The following ATRNL1 variants were observed in gnomAD, a reference collection of about 807,000 sequenced individuals.
ATRNL1 encodes attractin like 1, also known as attractin-like protein 1.
ATRNL1 carries 95 observed loss-of-function variants against 182.7 expected under a neutral mutation model. The observed-to-expected ratio is 0.52, with a 90% CI of 0.44 to 0.62. ATRNL1 has a LOEUF of 0.62. ATRNL1 is among the 20% of genes least tolerant of loss of function. The probability of loss-of-function intolerance (pLI) is 0.00; values close to 1 mark genes in which losing one functional copy is unlikely to be tolerated. For synonymous variants in ATRNL1, 576 were observed against 568.3 expected, an observed-to-expected ratio of 1.01 and a Z score of -0.19; for missense variants, 1,471 against 1,679.5, an observed-to-expected ratio of 0.88 and a Z score of 2.17.
At chr10:115,652,979 G>A (rs1860107269) in intron 26 of ATRNL1, among the ~76,000 whole-genome samples, 1 of 152,058 alleles carries the variant, frequency 6.6e-6, no homozygotes, top group Admixed American at 6.6e-5. Flanking sequence ...TAGAACTGAA[G>A]CTTTTGATTT....
chr10:115,139,980 C>G (rs1410491100), intron 5 of ATRNL1, among the ~76,000 whole-genome samples: 1 of 152,168 alleles, frequency 6.6e-6, no homozygotes, highest in Non-Finnish European at 1.5e-5. Context: ...GGCTAGCCTA[C>G]AGCAAAGATG....
intron 24 of ATRNL1, among the ~76,000 whole-genome samples, chr10:115,485,991 C>T (rs1282103029): frequency 7.3e-5 from 11 of 150,270 alleles, no homozygotes; most frequent in Non-Finnish European, 1.0e-4. Context: ...TGAGAACATG[C>T]GGTGCTTGGT....
chr10:115,928,607 T>C (rs1953305127), intron 28 of ATRNL1, among the ~76,000 whole-genome samples: 1 of 152,018 alleles, frequency 6.6e-6, no homozygotes, highest in Non-Finnish European at 1.5e-5. Context: ...TAGTTAATTA[T>C]CTCAAACCAA....
At chr10:115,706,478 T>G (rs7900426) in intron 26 of ATRNL1, among the ~76,000 whole-genome samples, 56,418 of 151,354 alleles carry the variant, frequency 0.37, 11,356 homozygotes, top group East Asian at 0.58. Context: ...GGAGATTTTT[T>G]GGGGGTGGGC....
At chr10:115,380,966 TG>T (rs1422488161) in intron 19 of ATRNL1, among the ~76,000 whole-genome samples, 15 of 152,210 alleles carry the variant, frequency 9.9e-5, no homozygotes, top group African/African-American at 1.9e-4. Context: ...ACTACCAAAT[TG>T]TTTCCAAGAA....
chr10:115,728,811 A>T (rs1555061565), intron 27 of ATRNL1, among the ~76,000 whole-genome samples: 3 of 152,184 alleles, frequency 2.0e-5, no homozygotes. Context: ...ATTTGTGTGT[A>T]TATCTTCTAT....
chr10:115,210,851 C>T (rs1848992953), intron 8 of ATRNL1, among the ~76,000 whole-genome samples: 1 of 151,916 alleles, frequency 6.6e-6, no homozygotes, highest in Non-Finnish European at 1.5e-5. Flanking sequence ...TAATTTACCA[C>T]CTCAGGTGAG....
At chr10:115,738,607 C>G (rs140767391) in intron 27 of ATRNL1, among the ~76,000 whole-genome samples, 198 of 152,168 alleles carry the variant, frequency 1.3e-3, no homozygotes, top group African/African-American at 4.4e-3. Context: ...AACCATTTAG[C>G]AGGCAATGTT....
At chr10:115,675,591 C>T (rs1283086236) in intron 26 of ATRNL1, among the ~76,000 whole-genome samples, 4 of 152,154 alleles carry the variant, frequency 2.6e-5, no homozygotes, top group African/African-American at 9.6e-5. Context: ...GGCATGCTAT[C>T]TTCCAAAGTT....
intron 6 of ATRNL1, 43 bp from the exon 7 acceptor site, chr10:115,165,515 A>C (rs782689698): frequency 1.7e-6 from 2 of 1,202,810 alleles, no homozygotes; most frequent in East Asian, 5.0e-5. Context: ...AAAAACAAAA[A>C]TGAATCTTAG....
chr10:115,432,011 A>C (rs1015753883), intron 21 of ATRNL1, among the ~76,000 whole-genome samples: 9 of 152,084 alleles, frequency 5.9e-5, no homozygotes, highest in Non-Finnish European at 8.8e-5. Context: ...CTTCTATGTC[A>C]ATGTTGTCCA....
intron 26 of ATRNL1, among the ~76,000 whole-genome samples, chr10:115,594,574 G>A (rs907909395): frequency 5.9e-5 from 9 of 152,090 alleles, no homozygotes; most frequent in African/African-American, 4.8e-5. Flanking sequence ...TGGCGCGATC[G>A]TGGCTCACCG....
chr10:115,172,208 A>C (rs1847321844), intron 8 of ATRNL1, among the ~76,000 whole-genome samples: 1 of 151,960 alleles, frequency 6.6e-6, no homozygotes, highest in South Asian at 2.1e-4. Flanking sequence ...TTCTCAGTAC[A>C]GCTGGGTCAA....
At chr10:115,827,448 C>A (rs953186248) in intron 27 of ATRNL1, among the ~76,000 whole-genome samples, 1 of 152,140 alleles carries the variant, frequency 6.6e-6, no homozygotes, top group Non-Finnish European at 1.5e-5. Flanking sequence ...GCTGGCAGGA[C>A]GTAAGGTGTC....
chr10:115,160,118 T>G lies in ATRNL1; in HGVS notation c.908T>G (p.Val303Gly). 6.2e-7 allele frequency: 1 copy of G among 1,612,482 alleles called. No homozygotes were observed. The highest frequency in any genetic ancestry group is 8.5e-7 in the Non-Finnish European group (1 of 1,178,980). ...LPNVKPFSPS[V>G]GRASHKAVLH... ...AACGTTAAACCCTTCAGTCCTTCTG[T>G]AGGTCGGGCTTCACATAAAGCAGTT... The change falls in exon 6 of 29, where the codon GTA becomes GGA. Residue 303 changes from valine to glycine, a missense_variant. Physicochemically the swap from Val to Gly is moderately radical, Grantham distance 109. Transcript: ENST00000355044.
intron 26 of ATRNL1, among the ~76,000 whole-genome samples, chr10:115,589,822 C>G (rs1855796236): frequency 6.6e-6 from 1 of 152,168 alleles, no homozygotes; most frequent in African/African-American, 2.4e-5. Context: ...AAAGATTACT[C>G]TGTTAGTCTT....
chr10:115,301,695 G>A (rs1350423144), intron 16 of ATRNL1, among the ~76,000 whole-genome samples, 160 bp from the exon 17 acceptor site: 1 of 152,130 alleles, frequency 6.6e-6, no homozygotes, highest in Non-Finnish European at 1.5e-5. Flanking sequence ...ATTTTAAGAA[G>A]TATTGATATA....
At chr10:115,493,347 A>G (rs1257706787) in intron 24 of ATRNL1, among the ~76,000 whole-genome samples, 1 of 152,106 alleles carries the variant, frequency 6.6e-6, no homozygotes, top group African/African-American at 2.4e-5. Context: ...GCACCTTCTC[A>G]TAAGTGAGAA....
At chr10:115,832,685 T>C (rs1440702324) in intron 27 of ATRNL1, among the ~76,000 whole-genome samples, 1 of 152,186 alleles carries the variant, frequency 6.6e-6, no homozygotes, top group Non-Finnish European at 1.5e-5. Context: ...ACATTAGGTA[T>C]TCAAAAATGG....
Sources: gnomAD v4.1 joint callset for allele counts (sites outside exome capture counted in the v4.1 genomes callset) on GRCh38, gnomAD v4.1.1 for gene constraint, MANE v1.5 for transcripts, NCBI Gene and HGNC (gene_info 2026-07-23, HGNC 2026-07-21) for gene names.